The following KLHDC10 variants were observed in gnomAD, a reference collection of about 807,000 sequenced individuals.
The protein encoded by KLHDC10 is kelch domain-containing protein 10.
In KLHDC10, 24 loss-of-function variants were observed where a neutral mutation model predicts 56.1. The observed-to-expected ratio is 0.43, with a 90% confidence interval of 0.31 to 0.60. KLHDC10 has a LOEUF of 0.60. Among genes scored for constraint, KLHDC10 ranks in the 20% least tolerant of loss-of-function variants. The pLI is 0.11. For synonymous variants in KLHDC10, 188 were observed against 207.1 expected (o/e 0.91, Z 0.79); for missense variants, 349 against 567.0 (o/e 0.62, Z 3.91).
Position 130,126,450 on chromosome 7 carries a change from T to C in KLHDC10, c.931+519T>C, listed in dbSNP as rs576998478. On this transcript the variant is annotated intron_variant, in intron 7 of 9. Coordinates refer to ENST00000335420, the MANE Select transcript of KLHDC10 (RefSeq NM_014997.4). The stretch of plus-strand genomic sequence containing the variant: ...CAGCACTTTGGAAGGCCGAGGTGGG[T>C]GGATCCTTTGAGGTCAGGAGTTCGA... Among the ~76,000 whole-genome samples, 12 of 149,568 alleles carry C rather than the reference T, an allele frequency of 8.0e-5. No homozygotes were observed. In the East Asian group the frequency reaches 2.4e-3, roughly 30 times the overall value.
At chr7:130,124,752 T>C (rs1436544314) in intron 6 of KLHDC10, among the ~76,000 whole-genome samples, 1 of 152,152 alleles carries the variant, frequency 6.6e-6, no homozygotes, top group Admixed American at 6.5e-5. Flanking sequence ...TGAAAATACT[T>C]TATAAAAATT....
intron 2 of KLHDC10, among the ~76,000 whole-genome samples, chr7:130,113,318 C>T (rs1426938597): frequency 6.6e-6 from 1 of 150,884 alleles, no homozygotes; most frequent in East Asian, 2.0e-4. Flanking sequence ...AGTACATAGC[C>T]AGCATCCAAT....
chr7:130,087,140 T>A (rs764120372), intron 1 of KLHDC10, among the ~76,000 whole-genome samples: 10 of 152,234 alleles, frequency 6.6e-5, no homozygotes, highest in Non-Finnish European at 1.3e-4. Context: ...CTAAAGTCCC[T>A]GCACCATGCT....
In KLHDC10 at chr7:130,120,897, T is replaced by C. The variant is rs1796239531; in HGVS notation, c.624T>C (p.Tyr208=). 4 of 1,613,988 alleles carry C rather than the reference T, an allele frequency of 2.5e-6. No homozygotes were observed. The highest frequency in any genetic ancestry group is 3.4e-6 in the Non-Finnish European group (4 of 1,179,874). ...GGGGGAAGAAACCCAGTCGTATATA[T>C]GGACAGGTACCAATCTGTGGCCAGT... ...SCRGKKPSRI[Y]GQAMAIINGS... The change falls in exon 4 of 10, where the codon TAT becomes TAC. Residue 208 remains tyrosine, a synonymous_variant. Coordinates refer to ENST00000335420, the MANE Select transcript of KLHDC10 (RefSeq NM_014997.4). This position sits in a 1 kb window ranked among gnomAD's most constrained non-coding sequence, Gnocchi z 5.1.
chr7:130,099,343 C>T (rs748837151), intron 2 of KLHDC10, among the ~76,000 whole-genome samples: 10 of 152,154 alleles, frequency 6.6e-5, no homozygotes, highest in Non-Finnish European at 1.5e-4. Flanking sequence ...TTCCTATGTA[C>T]TGTGCTAGCC....
chr7:130,112,944 C>T (rs530989292), intron 2 of KLHDC10, among the ~76,000 whole-genome samples: 2 of 152,070 alleles, frequency 1.3e-5, no homozygotes, highest in South Asian at 4.2e-4. Flanking sequence ...AATAGGTAAA[C>T]CACAAAATTA....
chr7:130,120,731 G>T lies in KLHDC10; in HGVS notation c.476-18G>T. ...AGGTAGCCATTTGTGAACAGAACTT[G>T]TGCTTCTCCTTCCTCAGTTGTGCTG... On this transcript the variant is annotated intron_variant, in intron 3 of 9. Coordinates refer to ENST00000335420, the MANE Select transcript of KLHDC10 (RefSeq NM_014997.4). This position sits in a 1 kb window ranked among gnomAD's most constrained non-coding sequence, Gnocchi z 5.1. The T allele has an allele frequency of 6.2e-7, 1 of 1,613,164 alleles. No homozygotes were observed. The highest frequency in any genetic ancestry group is 8.5e-7 in the Non-Finnish European group (1 of 1,179,528).
chr7:130,102,616 G>A (rs1486741109), intron 2 of KLHDC10, among the ~76,000 whole-genome samples: 3 of 152,058 alleles, frequency 2.0e-5, no homozygotes, highest in Non-Finnish European at 2.9e-5. Context: ...GAGGCCAGGA[G>A]TTCAAGACCA....
At chr7:130,077,249 G>A (rs756502840) in intron 1 of KLHDC10, among the ~76,000 whole-genome samples, 12 of 149,514 alleles carry the variant, frequency 8.0e-5, no homozygotes, top group Non-Finnish European at 3.0e-5. Context: ...CAGCTACTCG[G>A]GAGGCTGAGG....
At chr7:130,072,157 G>T (rs911148361) in intron 1 of KLHDC10, among the ~76,000 whole-genome samples, 38 of 152,276 alleles carry the variant, frequency 2.5e-4, no homozygotes, top group African/African-American at 4.8e-4. Context: ...TAAAAACTTA[G>T]ATTTTTGTGT....
chr7:130,130,337 C>CATATATATATATATATATATATAT lies in KLHDC10; in HGVS notation c.1120-183_1120-182insTATATATATATATATATATATATA, dbSNP rs72380761. ...ACTCTGTCTCAAAAAAAAAAAAAAT[C>CATATATATATATATATATATATAT]ATATATATATATATATAGTTTTTCC... On this transcript the variant is annotated intron_variant, in intron 9 of 9. Transcript: ENST00000335420. The surrounding 1 kb of genome is among the most constrained non-coding windows in gnomAD (Gnocchi z 4.2). 1.3e-4 allele frequency among the ~76,000 whole-genome samples: 18 copies of CATATATATATATATATATATATAT among 140,846 alleles called. No individual in the cohort carries two copies. The highest frequency in any genetic ancestry group is 4.9e-4 in the African/African-American group (18 of 36,966). The allele number at this position is 140,846 out of a possible 152,430, so 92.4% of individuals were successfully genotyped here.
chr7:130,126,474 G>A (rs534905957), intron 7 of KLHDC10, among the ~76,000 whole-genome samples: 5 of 151,650 alleles, frequency 3.3e-5, no homozygotes, highest in Admixed American at 2.6e-4. Flanking sequence ...TCAGGAGTTC[G>A]AGACGAGCCT....
chr7:130,103,611 T>A (rs994503256), intron 2 of KLHDC10, among the ~76,000 whole-genome samples: 11 of 152,060 alleles, frequency 7.2e-5, no homozygotes, highest in African/African-American at 9.7e-5. Flanking sequence ...TGGCATGGAT[T>A]TCTCACCTGC....
At chr7:130,123,283 A>T (rs112353914) in intron 5 of KLHDC10, among the ~76,000 whole-genome samples, 2,212 of 152,192 alleles carry the variant, frequency 0.015, 46 homozygotes, top group African/African-American at 0.05. Flanking sequence ...CCTGGCCAAC[A>T]TGGTGAAACC....
chr7:130,087,703 A>G (rs1158205638), intron 1 of KLHDC10, among the ~76,000 whole-genome samples: 5 of 152,202 alleles, frequency 3.3e-5, no homozygotes, highest in African/African-American at 1.2e-4. Flanking sequence ...GGTGTCACAT[A>G]AAACAAATTC....
rs1472684461 is a variant in KLHDC10, at chr7:130,120,104, C to CA, written c.476-640dup. Among the ~76,000 whole-genome samples, 1 of 152,132 alleles carries CA rather than the reference C, an allele frequency of 6.6e-6. No individual in the cohort carries two copies. The highest frequency in any genetic ancestry group is 1.5e-5 in the Non-Finnish European group (1 of 68,022). ...GTAAATTTAGAAATCATTCTCCTGG[C>CA]AAAAACAGAATGTCCCTTTAGTCCC... On this transcript the variant is annotated intron_variant, in intron 3 of 9. Transcript: ENST00000335420. The surrounding 1 kb of genome is among the most constrained non-coding windows in gnomAD (Gnocchi z 5.1).
chr7:130,098,362 A>G (rs925952432), intron 2 of KLHDC10, among the ~76,000 whole-genome samples: 8 of 152,124 alleles, frequency 5.3e-5, no homozygotes, highest in African/African-American at 1.9e-4. Context: ...GCATGGTGGT[A>G]CACACTTATA....
chr7:130,128,519 C>G (rs2116920983), intron 8 of KLHDC10, among the ~76,000 whole-genome samples: 1 of 152,236 alleles, frequency 6.6e-6, no homozygotes, highest in African/African-American at 2.4e-5. Flanking sequence ...TCAAACAGAG[C>G]TTCAGTTTGT....
intron 1 of KLHDC10, among the ~76,000 whole-genome samples, chr7:130,086,741 C>G (rs1247479526): frequency 1.3e-5 from 2 of 152,092 alleles, no homozygotes; most frequent in East Asian, 3.9e-4. Flanking sequence ...TACCAGCCAC[C>G]CAATTGATGG....
Sources: allele counts gnomAD v4.1 joint callset (sites outside exome capture counted in the v4.1 genomes callset), GRCh38; gene constraint gnomAD v4.1.1; non-coding constraint Gnocchi (gnomAD v3.1); transcripts MANE v1.5; gene names NCBI Gene and HGNC (gene_info 2026-07-23, HGNC 2026-07-21).